Variants in PLCH1 observed in about 807,000 individuals in gnomAD.
The protein encoded by PLCH1 is 1-phosphatidylinositol 4,5-bisphosphate phosphodiesterase eta-1.
A neutral mutation model predicts 126.7 loss-of-function variants in PLCH1; 60 were observed. The observed-to-expected ratio is 0.47, with a 90% CI of 0.38 to 0.59. The LOEUF is 0.59. PLCH1 is among the 20% of genes least tolerant of loss of function. The probability of loss-of-function intolerance (pLI) is 0.00; values close to 1 mark genes in which losing one functional copy is unlikely to be tolerated. For synonymous variants in PLCH1, 719 were observed against 734.9 expected (o/e 0.98, Z 0.35); for missense variants, 1,723 against 2,040.0 (o/e 0.84, Z 2.99).
Position 155,564,902 on chromosome 3 carries a change from A to G in PLCH1, c.1069+13T>C. The G allele has an allele frequency of 1.1e-5, 18 of 1,598,960 alleles. No individual in the cohort carries two copies. Among genetic ancestry groups the G allele is most frequent in the Non-Finnish European group, 1.5e-5 (18 of 1,166,958 alleles). ...CACCCATACACACCGGAGCTCAGAA[A>G]AAGTGCACGTACCTTCCACACAGCG... On this transcript the variant is annotated intron_variant, in intron 8 of 22. Coordinates refer to ENST00000460012, the MANE Select transcript of PLCH1 (RefSeq NM_014996.4).
At chr3:155,603,139 A>C (rs1577114999) in intron 2 of PLCH1, among the ~76,000 whole-genome samples, 1 of 119,612 alleles carries the variant, frequency 8.4e-6, no homozygotes, top group Non-Finnish European at 2.2e-5. Context: ...GCAGGCACAA[A>C]AACAACAACA....
chr3:155,522,462 C>T (rs1461314930), intron 11 of PLCH1, among the ~76,000 whole-genome samples: 1 of 152,142 alleles, frequency 6.6e-6, no homozygotes, highest in East Asian at 1.9e-4. Context: ...AGTAACTTTT[C>T]CTTTTCACTT....
At chr3:155,577,083 C>T (rs953996389) in intron 6 of PLCH1, among the ~76,000 whole-genome samples, 1 of 152,090 alleles carries the variant, frequency 6.6e-6, no homozygotes, top group Non-Finnish European at 1.5e-5. Flanking sequence ...CATGGTGAGA[C>T]CCTGTCTCTA....
At chr3:155,566,902 A>T (rs927110733) in intron 7 of PLCH1, among the ~76,000 whole-genome samples, 6 of 152,126 alleles carry the variant, frequency 3.9e-5, no homozygotes, top group African/African-American at 1.2e-4. Context: ...CAGAGACTTA[A>T]TTTCTTCATG....
At position 155,488,676 on chromosome 3, in the gene PLCH1, G is replaced by T; in HGVS notation, c.2523C>A (p.Phe841Leu). The T allele has an allele frequency of 6.2e-7, 1 of 1,613,210 alleles. No homozygotes were observed. The highest frequency in any genetic ancestry group is 8.5e-7 in the Non-Finnish European group (1 of 1,179,686). ...RDFVGQRTVT[F>L]SSLVPGYRHV... ...CATACCTACCAGGCACTAAGCTGCT[G>T]AAGGTCACAGTTCTTTGTCCAACAA... The change falls in exon 20 of 23, where the codon TTC (phenylalanine) becomes TTA (leucine). Residue 841 changes from phenylalanine (F) to leucine (L), a missense_variant. Phe to Leu is a conservative substitution (Grantham distance 22, BLOSUM62 0). This residue lies in a region of PLCH1 where 776 missense variants were observed against 1,062.9 expected (regional missense o/e 0.73). Coordinates refer to ENST00000460012, the MANE Select transcript of PLCH1 (RefSeq NM_014996.4).
chr3:155,659,417 T>G (rs1741857960), intron 2 of PLCH1, among the ~76,000 whole-genome samples: 1 of 139,808 alleles, frequency 7.2e-6, no homozygotes. Flanking sequence ...CTGAACCTCC[T>G]GCATTCAAGC....
intron 2 of PLCH1, among the ~76,000 whole-genome samples, chr3:155,691,321 A>C (rs1042648382): frequency 2.0e-5 from 3 of 152,172 alleles, no homozygotes; most frequent in African/African-American, 7.2e-5. Context: ...AACATTTCCT[A>C]ATGATCCCTC....
chr3:155,667,903 T>TAAAA (rs35373040), intron 2 of PLCH1, among the ~76,000 whole-genome samples: 3 of 75,586 alleles, frequency 4.0e-5, no homozygotes, highest in African/African-American at 6.5e-5. Flanking sequence ...CATCTCTACT[T>TAAAA]AAAAAAAAAA....
In PLCH1 at chr3:155,741,684, C is replaced by CTTTTATTTTTTTTTTATTTTTAT; in HGVS notation, c.-41+3155_-41+3156insATAAAAATAAAAAAAAAATAAAA. 9.7e-4 allele frequency among the ~76,000 whole-genome samples: 100 copies of CTTTTATTTTTTTTTTATTTTTAT among 102,860 alleles called. 3 individuals carry two copies. The highest frequency in any genetic ancestry group is 3.1e-3 in the East Asian group (11 of 3,566). The allele number at this position is 102,860 out of a possible 152,430, so 67.5% of individuals were successfully genotyped here. ...TCCTTTTATCATAATTTTATATCCT[C>CTTTTATTTTTTTTTTATTTTTAT]TTTTTTTTTTTTTTTTTTTTGTTCA... On this transcript the variant is annotated intron_variant, in intron 1 of 22. Transcript: ENST00000460012.
At chr3:155,743,403 G>A (rs1475837383) in intron 1 of PLCH1, 1 of 384,008 alleles carries the variant, frequency 2.6e-6, no homozygotes, top group South Asian at 2.0e-5. Context: ...GTGGTGGCGG[G>A]AGCCTGTAAT....
intron 10 of PLCH1, among the ~76,000 whole-genome samples, chr3:155,526,841 T>C (rs1014268910): frequency 1.3e-5 from 2 of 152,196 alleles, no homozygotes; most frequent in Non-Finnish European, 2.9e-5. Context: ...TATGCAGCAA[T>C]AGATACCTAA....
chr3:155,604,074 G>A (rs1427918827), intron 2 of PLCH1, among the ~76,000 whole-genome samples: 1 of 152,088 alleles, frequency 6.6e-6, no homozygotes, highest in Non-Finnish European at 1.5e-5. Context: ...ACCCCAGCCT[G>A]GGAGATAGAG....
At chr3:155,544,456 C>A (rs1724890251) in intron 10 of PLCH1, among the ~76,000 whole-genome samples, 1 of 152,236 alleles carries the variant, frequency 6.6e-6, no homozygotes, top group African/African-American at 2.4e-5. Context: ...TAACACCCCA[C>A]TGTCAACATT....
intron 6 of PLCH1, 107 bp from the exon 7 acceptor site, chr3:155,568,431 C>T: frequency 2.0e-6 from 1 of 509,544 alleles, no homozygotes; most frequent in Non-Finnish European, 3.5e-6. Flanking sequence ...GTACAAAGTA[C>T]CTAAATGAGC....
chr3:155,664,303 T>C (rs763546475), intron 2 of PLCH1, among the ~76,000 whole-genome samples: 1 of 152,202 alleles, frequency 6.6e-6, no homozygotes, highest in African/African-American at 2.4e-5. Context: ...CTGCATAATG[T>C]CTGAACTATA....
intron 14 of PLCH1, among the ~76,000 whole-genome samples, chr3:155,499,911 G>A (rs1289641805): frequency 6.6e-6 from 1 of 152,002 alleles, no homozygotes; most frequent in African/African-American, 2.4e-5. Context: ...TATTCTGTTG[G>A]AGCTCAAATA....
At chr3:155,711,503 TG>T (rs908518373) in intron 1 of PLCH1, among the ~76,000 whole-genome samples, 10 of 151,668 alleles carry the variant, frequency 6.6e-5, no homozygotes, top group Admixed American at 1.3e-4. Flanking sequence ...AACTCGACAA[TG>T]AAAAAAAAAA....
At position 155,482,431 on chromosome 3, in the gene PLCH1, T is replaced by G. The variant is rs371736914; in HGVS notation, c.3595A>C (p.Asn1199His). 44 of 1,614,054 alleles carry G rather than the reference T, an allele frequency of 2.7e-5. No homozygotes were observed. In the African/African-American group the frequency reaches 5.2e-4, roughly 19 times the overall value. The change falls in exon 23 of 23, where the codon AAC becomes CAC. Residue 1199 changes from asparagine (N) to histidine (H), a missense_variant. This residue lies in a region of PLCH1 where 947 missense variants were observed against 977.1 expected (regional missense o/e 0.97). Coordinates refer to ENST00000460012, the MANE Select transcript of PLCH1 (RefSeq NM_014996.4). ...GAAACAACTGTGAGAGCCTGATTGT[T>G]GGTCTCATCAAACTGGCCAATCAGG... is the stretch of plus-strand genomic sequence containing the variant. The part of the protein sequence containing the change: ...SALIGQFDET[N>H]NQALTVVSHL...
At chr3:155,556,160 C>T (rs921593066) in intron 8 of PLCH1, among the ~76,000 whole-genome samples, 8 of 152,164 alleles carry the variant, frequency 5.3e-5, no homozygotes, top group African/African-American at 1.7e-4. Context: ...CGAGACCGGC[C>T]TGGCCAACAT....
Sources: gnomAD v4.1 joint callset for allele counts (sites outside exome capture counted in the v4.1 genomes callset) on GRCh38, gnomAD v4.1.1 for gene constraint, gnomAD v4.1.1 regional missense constraint, MANE v1.5 for transcripts, NCBI Gene and HGNC (gene_info 2026-07-23, HGNC 2026-07-21) for gene names.